Variants in INTS8 observed in about 807,000 individuals in gnomAD.
INTS8 encodes the protein integrator complex subunit 8.
Under a neutral mutation model 138.9 loss-of-function variants are expected in INTS8, and 47 were observed. The ratio of observed to expected loss-of-function variants is 0.34; its 90% confidence interval spans 0.27 to 0.43. INTS8 has a LOEUF of 0.43. Ranked by LOEUF, INTS8 falls within the 20% of genes least tolerant of loss-of-function variation. INTS8 has a pLI of 1.00. For synonymous variants in INTS8, 392 were observed against 400.9 expected (o/e 0.98, Z 0.27); for missense variants, 996 against 1,173.0 (o/e 0.85, Z 2.20).
chr8:94,833,757 C>T (rs977929666), intron 6 of INTS8, among the ~76,000 whole-genome samples: 2 of 152,158 alleles, frequency 1.3e-5, no homozygotes, highest in African/African-American at 4.8e-5. Flanking sequence ...TGGTAACACT[C>T]ATTTCCTGGC....
chr8:94,871,582 G>A (rs1042938424), intron 20 of INTS8, among the ~76,000 whole-genome samples: 4 of 152,052 alleles, frequency 2.6e-5, no homozygotes. Context: ...CACTACTTCT[G>A]TATGCTTTAA....
In INTS8 at chr8:94,867,189, A is replaced by G. The variant is rs769122208; in HGVS notation, c.2345A>G (p.Asn782Ser). Residue 782 changes from asparagine (N) to serine (S), a missense_variant, in exon 19 of 27, where the codon AAT becomes AGT. Transcript: ENST00000523731. ...TTATCACTCTTTGTGAAACTTCACA[A>G]TGTTCGGGTAAGTATTTCATAATTT... ...IILSLFVKLH[N>S]VREDIVNDIT... The G allele has an allele frequency of 2.6e-5, 42 of 1,609,304 alleles. No homozygotes were observed. The highest frequency in any genetic ancestry group is 3.1e-5 in the Non-Finnish European group (36 of 1,177,494).
chr8:94,836,423 C>CT (rs905911534), intron 6 of INTS8, 101 bp from the exon 7 acceptor site: 8 of 868,446 alleles, frequency 9.2e-6, no homozygotes, highest in African/African-American at 1.7e-5. Flanking sequence ...TTTTTTATGT[C>CT]TTTTTTTCTG....
chr8:94,878,914 T>C (rs547785870), intron 26 of INTS8, among the ~76,000 whole-genome samples: 4 of 152,354 alleles, frequency 2.6e-5, no homozygotes, highest in South Asian at 2.1e-4. Context: ...TTGTTTTGGG[T>C]GTCTCCTTCT....
At chr8:94,869,245 T>C (rs1816298858) in intron 20 of INTS8, among the ~76,000 whole-genome samples, 1 of 151,686 alleles carries the variant, frequency 6.6e-6, no homozygotes, top group Non-Finnish European at 1.5e-5. Context: ...CCTCCCAAAG[T>C]GCTGGGATTA....
intron 20 of INTS8, chr8:94,867,818 C>T (rs555111347): frequency 6.5e-6 from 1 of 153,178 alleles, no homozygotes; most frequent in Non-Finnish European, 1.5e-5. Flanking sequence ...GCTACCACAC[C>T]TGGCCCAGCA....
chr8:94,830,716 T>C (rs906436706), intron 5 of INTS8, among the ~76,000 whole-genome samples: 1 of 152,204 alleles, frequency 6.6e-6, no homozygotes, highest in African/African-American at 2.4e-5. Context: ...CAGTCTGGTC[T>C]CGAACTTCTG....
chr8:94,842,308 T>A, intron 9 of INTS8, 39 bp from the exon 10 acceptor site: 1 of 1,393,134 alleles, frequency 7.2e-7, no homozygotes, highest in Non-Finnish European at 9.9e-7. Flanking sequence ...TCTTTTGTAG[T>A]AAAAATAACA....
At chr8:94,864,349 G>C (rs1323778784) in intron 16 of INTS8, among the ~76,000 whole-genome samples, 1 of 152,082 alleles carries the variant, frequency 6.6e-6, no homozygotes, top group Non-Finnish European at 1.5e-5. Context: ...AATTATCCTT[G>C]CTACTGCACC....
At chr8:94,840,559 GT>G (rs11395069) in intron 8 of INTS8, among the ~76,000 whole-genome samples, 48 of 136,506 alleles carry the variant, frequency 3.5e-4, no homozygotes, top group Non-Finnish European at 5.1e-4. Context: ...TTTTTAATTA[GT>G]TTTTTTTTTT....
intron 15 of INTS8, among the ~76,000 whole-genome samples, chr8:94,859,167 C>G (rs1200078134): frequency 4.0e-5 from 6 of 151,860 alleles, no homozygotes; most frequent in Non-Finnish European, 1.5e-5. Context: ...GTGGTCCCAG[C>G]TACTTGGGGA....
At chr8:94,860,184 G>A (rs1563662133) in intron 16 of INTS8, 1 of 152,124 alleles carries the variant, frequency 6.6e-6, no homozygotes, top group Non-Finnish European at 1.5e-5. Flanking sequence ...AAACTAATAA[G>A]AAACTGGAGG....
At chr8:94,846,954 C>T (rs1028648109) in intron 10 of INTS8, among the ~76,000 whole-genome samples, 7 of 152,124 alleles carry the variant, frequency 4.6e-5, no homozygotes, top group Non-Finnish European at 8.8e-5. Context: ...AGGTCATGAT[C>T]GTTTTTTAAT....
At chr8:94,872,113 TG>T in intron 21 of INTS8, 111 bp downstream of exon 21, 1 of 603,244 alleles carries the variant, frequency 1.7e-6, no homozygotes, top group East Asian at 2.8e-5. Flanking sequence ...GAGATTTACT[TG>T]TCTTTAGTAA....
chr8:94,867,453 C>T (rs142411676), intron 20 of INTS8, 116 bp downstream of exon 20: 30 of 711,750 alleles, frequency 4.2e-5, no homozygotes, highest in Non-Finnish European at 6.0e-5. Context: ...TAAGATTCTA[C>T]AGTCTTTGTG....
At chr8:94,845,180 CTAT>C (rs1563651667) in intron 10 of INTS8, among the ~76,000 whole-genome samples, 1 of 145,656 alleles carries the variant, frequency 6.9e-6, no homozygotes, top group East Asian at 1.9e-4. Flanking sequence ...AGATATTCTT[CTAT>C]TATTATCTTC....
intron 21 of INTS8, 98 bp from the exon 22 acceptor site, chr8:94,873,276 C>T (rs1272433251): frequency 3.9e-5 from 33 of 838,994 alleles, no homozygotes; most frequent in South Asian, 3.7e-4. Context: ...TTTGAATCTG[C>T]TTTTGTTAAC....
intron 17 of INTS8, 106 bp downstream of exon 17, chr8:94,865,796 C>A: frequency 9.6e-7 from 1 of 1,045,462 alleles, no homozygotes; most frequent in Non-Finnish European, 1.4e-6. Context: ...AGCTTTTATT[C>A]TGTATATCAT....
intron 10 of INTS8, among the ~76,000 whole-genome samples, chr8:94,845,984 T>C (rs1359022473): frequency 6.6e-6 from 1 of 152,204 alleles, no homozygotes; most frequent in Non-Finnish European, 1.5e-5. Context: ...TCCTAATCCA[T>C]GAACGGGTAT....
Sources: gnomAD v4.1 joint callset for allele counts (sites outside exome capture counted in the v4.1 genomes callset) on GRCh38, gnomAD v4.1.1 for gene constraint, MANE v1.5 for transcripts, NCBI Gene and HGNC (gene_info 2026-07-23, HGNC 2026-07-21) for gene names.